HNRNPF: variants seen among roughly 807,000 people sequenced by gnomAD.
HNRNPF encodes heterogeneous nuclear ribonucleoprotein F.
HNRNPF carries 2 observed loss-of-function variants against 26.0 expected under a neutral mutation model. The ratio of observed to expected loss-of-function variants is 0.08; its 90% CI spans 0.03 to 0.24. The LOEUF is 0.24. Among genes scored for constraint, HNRNPF ranks in the 10% least tolerant of loss-of-function variants. HNRNPF has a pLI of 1.00. For missense variants in HNRNPF, 299 were observed against 539.2 expected (o/e 0.55, Z 4.41); for synonymous variants, 234 against 211.5 (o/e 1.11, Z -0.92).
At chr10:43,399,348 T>C (rs1170327626) in intron 1 of HNRNPF, among the ~76,000 whole-genome samples, 1 of 152,134 alleles carries the variant, frequency 6.6e-6, no homozygotes, top group Non-Finnish European at 1.5e-5. Context: ...CCTCCCAAAG[T>C]GCTAGGATTA....
At chr10:43,401,332 G>C (rs1413824403) in intron 1 of HNRNPF, among the ~76,000 whole-genome samples, 1 of 152,136 alleles carries the variant, frequency 6.6e-6, no homozygotes, top group African/African-American at 2.4e-5. Flanking sequence ...ATCAAGAGTA[G>C]TATAATGTAA....
chr10:43,402,208 A>C (rs959188417), intron 1 of HNRNPF, among the ~76,000 whole-genome samples: 2 of 152,222 alleles, frequency 1.3e-5, no homozygotes, highest in Non-Finnish European at 2.9e-5. Flanking sequence ...AACGAAGTAG[A>C]ATAAACATCA....
At chr10:43,394,134 C>T (rs921052486) in intron 3 of HNRNPF, among the ~76,000 whole-genome samples, 1 of 152,166 alleles carries the variant, frequency 6.6e-6, no homozygotes, top group African/African-American at 2.4e-5. Flanking sequence ...CAGACTTGAC[C>T]CAGCTGGTCC....
At chr10:43,397,429 A>G (rs1838589295) in intron 1 of HNRNPF, 1 of 152,300 alleles carries the variant, frequency 6.6e-6, no homozygotes, top group Admixed American at 6.5e-5. Flanking sequence ...GCGGGAAGAC[A>G]TTTCTCCGAG....
intron 1 of HNRNPF, among the ~76,000 whole-genome samples, chr10:43,404,270 C>CAGCCTGGG (rs1160493761): frequency 2.7e-5 from 4 of 145,782 alleles, no homozygotes; most frequent in Non-Finnish European, 6.0e-5. Context: ...CACTGCACTC[C>CAGCCTGGG]AGCCTGGGTG....
At chr10:43,405,475 T>G (rs1838884279) in intron 1 of HNRNPF, among the ~76,000 whole-genome samples, 1 of 152,058 alleles carries the variant, frequency 6.6e-6, no homozygotes, top group African/African-American at 2.4e-5. Context: ...GCTAACATGA[T>G]GAAACCCCGC....
At chr10:43,403,008 AT>A (rs1242907419) in intron 1 of HNRNPF, among the ~76,000 whole-genome samples, 2 of 152,024 alleles carry the variant, frequency 1.3e-5, no homozygotes, top group Non-Finnish European at 2.9e-5. Context: ...TACCTGGCTA[AT>A]TAAAAATTCT....
intron 3 of HNRNPF, among the ~76,000 whole-genome samples, chr10:43,392,520 CAG>C (rs753717653): frequency 2.6e-5 from 4 of 152,218 alleles, no homozygotes; most frequent in Non-Finnish European, 5.9e-5. Context: ...GCCTAGGCGA[CAG>C]AGACTCGTCT....
At chr10:43,400,903 G>A (rs995546255) in intron 1 of HNRNPF, among the ~76,000 whole-genome samples, 2 of 110,958 alleles carry the variant, frequency 1.8e-5, no homozygotes, top group Admixed American at 1.7e-4. Context: ...CTAATACGGT[G>A]AAACCTCGTC....
chr10:43,391,582 T>C lies in HNRNPF; in HGVS notation c.-53+3048A>G, dbSNP rs377363578. 4.6e-5 allele frequency among the ~76,000 whole-genome samples: 7 copies of C among 152,242 alleles called. No individual in the cohort carries two copies. The East Asian group carries it at 1.4e-3, about 29-fold the overall frequency. ...CTGCTTGTCCAAAGCCCTTCAGATG[T>C]CTGGGGCAGCCTTACAGACTCTCAC... On this transcript the variant is annotated intron_variant, in intron 3 of 3. Transcript: ENST00000682386.
At chr10:43,392,752 G>A (rs1227283324) in intron 3 of HNRNPF, among the ~76,000 whole-genome samples, 1 of 152,042 alleles carries the variant, frequency 6.6e-6, no homozygotes, top group Non-Finnish European at 1.5e-5. Context: ...TCAGGCTTGG[G>A]CCCAAGTCCT....
chr10:43,406,969 T>C (rs1489335855), intron 1 of HNRNPF, among the ~76,000 whole-genome samples: 1 of 152,208 alleles, frequency 6.6e-6, no homozygotes, highest in African/African-American at 2.4e-5. Context: ...CGAGTCACTT[T>C]GCAGGAATAG....
intron 3 of HNRNPF, among the ~76,000 whole-genome samples, chr10:43,391,055 A>C (rs1237268439): frequency 6.6e-6 from 1 of 152,164 alleles, no homozygotes; most frequent in Non-Finnish European, 1.5e-5. Flanking sequence ...CTATAATCCT[A>C]GCACTTTGGG....
At chr10:43,402,907 A>C (rs573242973) in intron 1 of HNRNPF, among the ~76,000 whole-genome samples, 5 of 151,734 alleles carry the variant, frequency 3.3e-5, no homozygotes, top group African/African-American at 1.2e-4. Context: ...TTTTTTTTTA[A>C]ACGGGGTCTT....
intron 1 of HNRNPF, chr10:43,407,780 A>C (rs1838976270): frequency 6.6e-6 from 1 of 152,228 alleles, no homozygotes; most frequent in African/African-American, 2.4e-5. Context: ...GCCGAGGAGG[A>C]AAAAGGGCCC....
chr10:43,400,674 A>T lies in HNRNPF; in HGVS notation c.-246-4084T>A, dbSNP rs547447961. Among the ~76,000 whole-genome samples the T allele has an allele frequency of 3.3e-5, 5 of 152,176 alleles. No individual in the cohort carries two copies. The South Asian group carries it at 8.3e-4, about 25-fold the overall frequency. ...ATGATACAAGACACTAATTCCATTT[A>T]AAAAAATGCACCAACGCACACATTT... On this transcript the variant is annotated intron_variant, in intron 1 of 3. Transcript: ENST00000682386.
chr10:43,390,456 C>T (rs1838197358), intron 3 of HNRNPF, among the ~76,000 whole-genome samples: 1 of 152,162 alleles, frequency 6.6e-6, no homozygotes. Flanking sequence ...CTCCTGGACT[C>T]CTACCTCCAA....
At chr10:43,394,029 CTT>C (rs1277411530) in intron 3 of HNRNPF, among the ~76,000 whole-genome samples, 1 of 152,218 alleles carries the variant, frequency 6.6e-6, no homozygotes, top group Non-Finnish European at 1.5e-5. Flanking sequence ...CCACAGCACT[CTT>C]GTGTTGTTAA....
chr10:43,397,037 C>T (rs1838566501), intron 1 of HNRNPF: 1 of 151,188 alleles, frequency 6.6e-6, no homozygotes, highest in East Asian at 2.0e-4. Flanking sequence ...CTCGGGGACC[C>T]GCGGGCCGAG....
Sources: allele counts gnomAD v4.1 joint callset (sites outside exome capture counted in the v4.1 genomes callset), GRCh38; gene constraint gnomAD v4.1.1; transcripts MANE v1.5; gene names NCBI Gene and HGNC (gene_info 2026-07-23, HGNC 2026-07-21).